FILIP1L: variants seen among roughly 807,000 people sequenced by gnomAD.
FILIP1L encodes filamin A-interacting protein 1-like.
FILIP1L carries 55 observed loss-of-function variants against 96.6 expected under a neutral mutation model. The observed-to-expected ratio is 0.57, with a 90% CI of 0.46 to 0.71. The LOEUF (loss-of-function observed/expected upper bound fraction) is 0.71. FILIP1L is among the 30% of genes least tolerant of loss of function. FILIP1L has a pLI of 0.00. For synonymous variants in FILIP1L, 467 were observed against 473.9 expected, an observed-to-expected ratio of 0.99 and a Z score of 0.19; for missense variants, 1,304 against 1,321.2, an observed-to-expected ratio of 0.99 and a Z score of 0.20.
chr3:99,850,652 T>C lies in FILIP1L; in HGVS notation c.1024A>G (p.Arg342Gly), dbSNP rs1943638169. The change falls in exon 5 of 6, where the codon AGG becomes GGG. Residue 342 changes from arginine (R) to glycine (G), a missense_variant. By Grantham distance (125) the Arg-to-Gly change is moderately radical. Transcript: ENST00000477258. ...TCCTCTTCTGCTTTTCGTAAAGACC[T>C]GTTTGTCTCTTCTAACTCATCAATC... ...RQIDELEETN[R>G]SLRKAEEELQ... 3 of 1,614,144 alleles carry C rather than the reference T, an allele frequency of 1.9e-6. No individual in the cohort carries two copies. Among genetic ancestry groups the C allele is most frequent in the Non-Finnish European group, 2.5e-6 (3 of 1,180,040 alleles).
chr3:99,866,092 ATTCTCTCCTTTG>A (rs1282114579), intron 4 of FILIP1L, among the ~76,000 whole-genome samples: 1 of 149,208 alleles, frequency 6.7e-6, no homozygotes, highest in Admixed American at 6.7e-5. Flanking sequence ...TCTCTCCTTT[ATTCTCTCCTTTG>A]TAGAAAGCAT....
At chr3:99,988,908 G>A (rs537205963) in intron 1 of FILIP1L, among the ~76,000 whole-genome samples, 105 of 152,208 alleles carry the variant, frequency 6.9e-4, no homozygotes, top group African/African-American at 1.6e-3. Flanking sequence ...TTCAGCACTC[G>A]GAGTAATTGG....
intron 4 of FILIP1L, among the ~76,000 whole-genome samples, chr3:99,904,607 TTTG>T (rs1421232429): frequency 6.6e-6 from 1 of 152,172 alleles, no homozygotes; most frequent in East Asian, 1.9e-4. Flanking sequence ...TTCTCTTTTT[TTTG>T]TTTTTTTGTT....
At chr3:99,931,864 T>G (rs192550577) in intron 1 of FILIP1L, among the ~76,000 whole-genome samples, 1 of 152,322 alleles carries the variant, frequency 6.6e-6, no homozygotes, top group East Asian at 1.9e-4. Flanking sequence ...CTGTTGAGGT[T>G]TATAACTAGG....
At chr3:99,832,820 A>C (rs1337513118) in intron 5 of FILIP1L, among the ~76,000 whole-genome samples, 2 of 144,092 alleles carry the variant, frequency 1.4e-5, no homozygotes, top group African/African-American at 5.1e-5. Flanking sequence ...AGCCTGGGCC[A>C]CAGAGCAAGA....
At chr3:100,108,860 C>CT (rs1407865325) in intron 1 of FILIP1L, among the ~76,000 whole-genome samples, 2 of 152,142 alleles carry the variant, frequency 1.3e-5, no homozygotes, top group Non-Finnish European at 2.9e-5. Context: ...CTTGCTATGT[C>CT]TATCTGAATA....
chr3:99,905,935 G>T (rs916133151), intron 4 of FILIP1L, among the ~76,000 whole-genome samples: 1 of 152,128 alleles, frequency 6.6e-6, no homozygotes, highest in Non-Finnish European at 1.5e-5. Context: ...GCTCATGCTT[G>T]TAGTCCCAGC....
At chr3:100,079,547 G>C (rs1235913081) in intron 1 of FILIP1L, among the ~76,000 whole-genome samples, 1 of 152,104 alleles carries the variant, frequency 6.6e-6, no homozygotes, top group African/African-American at 2.4e-5. Context: ...CAAAAAAGTA[G>C]ATTTTTTATT....
chr3:99,899,636 C>T (rs780723764), intron 4 of FILIP1L, among the ~76,000 whole-genome samples: 11 of 152,280 alleles, frequency 7.2e-5, no homozygotes, highest in Admixed American at 2.6e-4. Flanking sequence ...AGGAATCTGA[C>T]ATAAAGTACA....
rs763082614 is a variant in FILIP1L at position 99,849,046 on chromosome 3, T to G, written c.2630A>C (p.Lys877Thr). The part of the protein sequence containing the change: ...KSKEGHLQNG[K>T]MQTKPNANFV... Reference sequence around the variant, plus strand: ...GTTGGCATTGGGTTTAGTTTGCATTTTTCCATTCTGAAGATGGCCCTCCTT... The same window carrying G: ...GTTGGCATTGGGTTTAGTTTGCATTGTTCCATTCTGAAGATGGCCCTCCTT... The change falls in exon 5 of 6, where the codon AAA (lysine) becomes ACA (threonine). Residue 877 changes from lysine (K) to threonine (T), a missense_variant. Coordinates refer to ENST00000477258, the MANE Select transcript of FILIP1L (RefSeq NM_001387850.1). 6.2e-7 allele frequency: 1 copy of G among 1,614,146 alleles called. No individual in the cohort carries two copies. The highest frequency in any genetic ancestry group is 1.1e-5 in the South Asian group (1 of 91,074).
In FILIP1L at chr3:99,850,236, T is replaced by C. The variant is rs771120493; in HGVS notation, c.1440A>G (p.Glu480=). Residue 480 remains glutamate, a synonymous_variant, in exon 5 of 6, where the codon GAA becomes GAG. Coordinates refer to ENST00000477258, the MANE Select transcript of FILIP1L (RefSeq NM_001387850.1). ...KELEAIESRL[E]KTEFTLKEDL... is the part of the protein sequence containing the mutation. ...CCTCTTTTAGAGTGAATTCTGTCTT[T>C]TCTAGCCGACTTTCAATGGCTTCTA... is the stretch of plus-strand genomic sequence containing the variant. 3 of 1,613,638 alleles carry C rather than the reference T, an allele frequency of 1.9e-6. No homozygotes were observed. The highest frequency in any genetic ancestry group is 2.5e-6 in the Non-Finnish European group (3 of 1,180,020).
At chr3:99,983,489 T>A (rs1254423999) in intron 1 of FILIP1L, among the ~76,000 whole-genome samples, 2 of 25,720 alleles carry the variant, frequency 7.8e-5, no homozygotes, top group African/African-American at 2.4e-4. Flanking sequence ...TATATATATA[T>A]ATATATATAT....
chr3:100,109,251 A>G (rs2066446542), intron 1 of FILIP1L, among the ~76,000 whole-genome samples: 1 of 152,100 alleles, frequency 6.6e-6, no homozygotes, highest in Admixed American at 6.6e-5. Context: ...AATCTGCAAG[A>G]ATTCCATACA....
chr3:100,006,459 AGTGCTT>A (rs1474646875), intron 1 of FILIP1L, among the ~76,000 whole-genome samples: 3 of 152,008 alleles, frequency 2.0e-5, no homozygotes, highest in Non-Finnish European at 4.4e-5. Context: ...CCTATCTTTC[AGTGCTT>A]TTCATGAGGT....
At chr3:99,902,428 G>A (rs1706466935) in intron 4 of FILIP1L, among the ~76,000 whole-genome samples, 2 of 152,126 alleles carry the variant, frequency 1.3e-5, no homozygotes, top group African/African-American at 2.4e-5. Flanking sequence ...TCCATGGGAG[G>A]ACATGAAAAA....
chr3:100,079,122 C>T (rs900663767), intron 1 of FILIP1L, among the ~76,000 whole-genome samples: 2 of 152,160 alleles, frequency 1.3e-5, no homozygotes, highest in Admixed American at 6.5e-5. Context: ...ATCCAGGCCT[C>T]TCTCCCCAGT....
At chr3:100,091,795 C>G (rs1305453193) in intron 1 of FILIP1L, among the ~76,000 whole-genome samples, 1 of 152,102 alleles carries the variant, frequency 6.6e-6, no homozygotes, top group Non-Finnish European at 1.5e-5. Context: ...TTCCTTAAGA[C>G]AGGATTATTT....
chr3:100,093,273 G>GTA (rs1184001136), intron 1 of FILIP1L, among the ~76,000 whole-genome samples: 1 of 152,002 alleles, frequency 6.6e-6, no homozygotes, highest in Non-Finnish European at 1.5e-5. Flanking sequence ...GATGTCTTCT[G>GTA]TAACTTTTTA....
At chr3:99,863,270 G>A (rs1001201130) in intron 4 of FILIP1L, among the ~76,000 whole-genome samples, 1 of 152,174 alleles carries the variant, frequency 6.6e-6, no homozygotes, top group Admixed American at 6.5e-5. Context: ...TGCTGCTGCT[G>A]ATCTAACAGG....
Sources: allele counts gnomAD v4.1 joint callset (sites outside exome capture counted in the v4.1 genomes callset), GRCh38; gene constraint gnomAD v4.1.1; transcripts MANE v1.5; gene names NCBI Gene and HGNC (gene_info 2026-07-23, HGNC 2026-07-21).